The following DOCK4 variants were observed in gnomAD, a reference collection of about 807,000 sequenced individuals.
The protein encoded by DOCK4 is dedicator of cytokinesis protein 4.
A neutral mutation model predicts 268.1 loss-of-function variants in DOCK4; 97 were observed. The ratio of observed to expected loss-of-function variants is 0.36; its 90% confidence interval spans 0.31 to 0.43. DOCK4 has a LOEUF of 0.43. Among genes scored for constraint, DOCK4 ranks in the 20% least tolerant of loss-of-function variants. The probability of loss-of-function intolerance (pLI) is 1.00; values close to 1 mark genes in which losing one functional copy is unlikely to be tolerated. For synonymous variants in DOCK4, 954 were observed against 887.2 expected (o/e 1.08, Z -1.34); for missense variants, 2,145 against 2,455.7 (o/e 0.87, Z 2.67).
chr7:112,018,179 A>AAAAAC lies in DOCK4; in HGVS notation c.38-14049_38-14048insGTTTT. Among the ~76,000 whole-genome samples, 4 of 72,630 alleles carry AAAAAC rather than the reference A, an allele frequency of 5.5e-5. 1 individual carries two copies. Among genetic ancestry groups the AAAAAC allele is most frequent in the South Asian group, 8.8e-4 (2 of 2,262 alleles). 47.6% of individuals were successfully genotyped at this position (72,630 alleles called of 152,430 possible). A position where few individuals can be genotyped will look rare whatever the true frequency, so the allele number is the denominator to read the frequency against. On this transcript the variant is annotated intron_variant, in intron 1 of 52. Coordinates refer to ENST00000428084, the MANE Select transcript of DOCK4 (RefSeq NM_001363540.2). ...AAAAAAAAAAAAAAAAAAAAAAAAA[A>AAAAAC]ACACAGGCAACCAGTATTCATGTGG...
At chr7:111,933,298 A>ATATATAT (rs1554380830) in intron 12 of DOCK4, among the ~76,000 whole-genome samples, 2 of 74,824 alleles carry the variant, frequency 2.7e-5, no homozygotes, top group African/African-American at 1.3e-4. Context: ...ATATATATAT[A>ATATATAT]TTTTTTTTTT....
At chr7:111,900,917 G>A (rs1015601731) in intron 14 of DOCK4, among the ~76,000 whole-genome samples, 1 of 152,180 alleles carries the variant, frequency 6.6e-6, no homozygotes, top group Admixed American at 6.5e-5. Context: ...GCAACTGTAT[G>A]TCTCTATGAA....
At chr7:111,730,619 T>G (rs994791843) in intron 52 of DOCK4, among the ~76,000 whole-genome samples, 1 of 150,856 alleles carries the variant, frequency 6.6e-6, no homozygotes, top group East Asian at 1.9e-4. Flanking sequence ...ACCCACAGTT[T>G]GATGGCTGGC....
chr7:111,824,745 T>C (rs1282493452), intron 26 of DOCK4, among the ~76,000 whole-genome samples: 3 of 152,194 alleles, frequency 2.0e-5, no homozygotes. Flanking sequence ...GTGAAGGAGT[T>C]GGGGATAGAT....
intron 1 of DOCK4, among the ~76,000 whole-genome samples, chr7:112,068,887 C>G (rs183759512): frequency 6.6e-6 from 1 of 152,008 alleles, no homozygotes; most frequent in Non-Finnish European, 1.5e-5. Flanking sequence ...CAGAGAATAA[C>G]TTTTTTAATG....
At chr7:112,028,905 C>T (rs1449553334) in intron 1 of DOCK4, among the ~76,000 whole-genome samples, 2 of 152,304 alleles carry the variant, frequency 1.3e-5, no homozygotes, top group Admixed American at 1.3e-4. Context: ...TTTTTTAGAC[C>T]GCTAATTATT....
chr7:112,061,734 C>A (rs1449890608), intron 1 of DOCK4, among the ~76,000 whole-genome samples: 2 of 130,864 alleles, frequency 1.5e-5, no homozygotes, highest in African/African-American at 5.9e-5. Flanking sequence ...AAGATATTAA[C>A]AATGTCACAC....
At chr7:111,805,760 A>C (rs909516436) in intron 30 of DOCK4, among the ~76,000 whole-genome samples, 3 of 152,222 alleles carry the variant, frequency 2.0e-5, no homozygotes, top group Non-Finnish European at 4.4e-5. Flanking sequence ...ATCTGATTTA[A>C]AAGTATTATC....
chr7:111,770,357 C>T (rs372054503), intron 36 of DOCK4, among the ~76,000 whole-genome samples: 12 of 151,734 alleles, frequency 7.9e-5, no homozygotes, highest in Admixed American at 4.6e-4. Flanking sequence ...GAGAAAGAAC[C>T]GTTGCAGGCT....
Position 112,004,145 on chromosome 7 carries a change from T to A in DOCK4, c.38-14A>T, listed in dbSNP as rs1306299143. The A allele has an allele frequency of 1.3e-6, 2 of 1,556,256 alleles. No individual in the cohort carries two copies. The highest frequency in any genetic ancestry group is 3.8e-5 in the Admixed American group (2 of 52,978). On this transcript the variant is annotated splice_polypyrimidine_tract_variant and intron_variant, in intron 1 of 52. Coordinates refer to ENST00000428084, the MANE Select transcript of DOCK4 (RefSeq NM_001363540.2). ...AACTGGCAATAACTGTAAAAAATGA[T>A]AAAGAATATATGAAGACAATCATGT...
At chr7:112,027,931 AAG>A (rs1161387852) in intron 1 of DOCK4, among the ~76,000 whole-genome samples, 1 of 152,192 alleles carries the variant, frequency 6.6e-6, no homozygotes, top group Non-Finnish European at 1.5e-5. Context: ...CATGAAACCA[AAG>A]AGTTACCATT....
chr7:112,147,802 T>C, intron 1 of DOCK4, among the ~76,000 whole-genome samples: 1 of 33,638 alleles, frequency 3.0e-5, no homozygotes, highest in Non-Finnish European at 6.2e-5. Context: ...TAGATTTTTT[T>C]TTTTTTTTTT....
intron 36 of DOCK4, among the ~76,000 whole-genome samples, chr7:111,774,126 T>C (rs1180158180): frequency 6.6e-6 from 1 of 152,160 alleles, no homozygotes; most frequent in Non-Finnish European, 1.5e-5. Context: ...TATATAACCA[T>C]ATAATATGCA....
At chr7:111,885,167 G>A (rs1807730490) in intron 16 of DOCK4, among the ~76,000 whole-genome samples, 1 of 152,226 alleles carries the variant, frequency 6.6e-6, no homozygotes, top group South Asian at 2.1e-4. Flanking sequence ...CAGAATAGTG[G>A]TTGGGTGCTT....
At chr7:111,945,411 C>A (rs1317473494) in intron 9 of DOCK4, among the ~76,000 whole-genome samples, 1 of 152,192 alleles carries the variant, frequency 6.6e-6, no homozygotes, top group Non-Finnish European at 1.5e-5. Flanking sequence ...GTCTTGAATT[C>A]CTGACCTCAG....
At chr7:111,817,440 G>T (rs1204748919) in intron 27 of DOCK4, among the ~76,000 whole-genome samples, 1 of 151,700 alleles carries the variant, frequency 6.6e-6, no homozygotes, top group East Asian at 1.9e-4. Context: ...AACTGTCGAC[G>T]CTCCTACCTT....
intron 1 of DOCK4, among the ~76,000 whole-genome samples, chr7:112,123,197 C>A (rs189212823): frequency 2.8e-4 from 42 of 152,284 alleles, no homozygotes; most frequent in African/African-American, 1.0e-3. Context: ...GGTGTGGTTA[C>A]ATCTTGGTCT....
intron 23 of DOCK4, among the ~76,000 whole-genome samples, chr7:111,860,158 G>A (rs1049378264): frequency 2.6e-5 from 4 of 152,020 alleles, no homozygotes; most frequent in East Asian, 1.9e-4. Context: ...TTTTCCTTCC[G>A]ACATCTCCTC....
chr7:111,833,546 A>G lies in DOCK4; in HGVS notation c.2835+1042T>C, dbSNP rs1435629686. ...GTAACAGTAAAACCCTGCCTCAAAAAAAAAAAGAAAAAAGATTCAATGTAA... is the reference window on the plus strand; with the variant it reads ...GTAACAGTAAAACCCTGCCTCAAAAGAAAAAAGAAAAAAGATTCAATGTAA... On this transcript the variant is annotated intron_variant, in intron 26 of 52. Transcript: ENST00000428084. Among the ~76,000 whole-genome samples, 4 of 152,214 alleles carry G rather than the reference A, an allele frequency of 2.6e-5. No homozygotes were observed. In the South Asian group the frequency reaches 8.3e-4, roughly 32 times the overall value.
Sources: allele counts gnomAD v4.1 joint callset (sites outside exome capture counted in the v4.1 genomes callset), GRCh38; gene constraint gnomAD v4.1.1; transcripts MANE v1.5; gene names NCBI Gene and HGNC (gene_info 2026-07-23, HGNC 2026-07-21).